Variants in SLC24A4 observed in about 807,000 individuals in gnomAD.
SLC24A4 encodes solute carrier family 24 member 4.
A neutral mutation model predicts 79.0 loss-of-function variants in SLC24A4; 53 were observed. That is an observed-to-expected ratio of 0.67 (90% CI 0.54 to 0.84). SLC24A4 has a LOEUF of 0.84. SLC24A4 is among the 40% of genes least tolerant of loss of function. The pLI, the probability that SLC24A4 is intolerant of heterozygous loss-of-function variation, is 0.00. For synonymous variants in SLC24A4, 323 were observed against 323.8 expected, an observed-to-expected ratio of 1.00 and a Z score of 0.03; for missense variants, 731 against 822.0, an observed-to-expected ratio of 0.89 and a Z score of 1.35.
chr14:92,413,213 T>C (rs2141798293), intron 2 of SLC24A4, among the ~76,000 whole-genome samples: 1 of 152,096 alleles, frequency 6.6e-6, no homozygotes, highest in East Asian at 1.9e-4. Flanking sequence ...ATAAGGAGAG[T>C]CCTTATCCTG....
intron 10 of SLC24A4, chr14:92,453,584 C>T (rs1333561914): frequency 7.8e-6 from 2 of 255,970 alleles, no homozygotes; most frequent in Non-Finnish European, 1.5e-5. Context: ...GCTTAGATAA[C>T]GAACTGAAAG....
intron 2 of SLC24A4, among the ~76,000 whole-genome samples, chr14:92,346,604 G>C (rs1886547099): frequency 1.3e-5 from 2 of 152,302 alleles, no homozygotes; most frequent in African/African-American, 4.8e-5. Context: ...TATTTATATT[G>C]CAGTAATAGC....
chr14:92,328,229 A>T (rs983774130), intron 2 of SLC24A4, among the ~76,000 whole-genome samples: 4 of 152,062 alleles, frequency 2.6e-5, no homozygotes, highest in African/African-American at 9.7e-5. Flanking sequence ...TTTTCATTTC[A>T]CAAGTCTGTG....
At chr14:92,359,492 G>A (rs1428530376) in intron 2 of SLC24A4, among the ~76,000 whole-genome samples, 8 of 152,174 alleles carry the variant, frequency 5.3e-5, no homozygotes, top group Non-Finnish European at 8.8e-5. Context: ...CCAGCTACTC[G>A]GGAGGCTGAG....
intron 12 of SLC24A4, among the ~76,000 whole-genome samples, chr14:92,457,965 C>G (rs528227325): frequency 5.9e-5 from 9 of 152,328 alleles, no homozygotes; most frequent in Admixed American, 5.9e-4. Context: ...GTGCCCTGCC[C>G]CCTGCTTTCA....
intron 2 of SLC24A4, among the ~76,000 whole-genome samples, chr14:92,344,090 A>C (rs1039697393): frequency 6.6e-6 from 1 of 152,218 alleles, no homozygotes; most frequent in Non-Finnish European, 1.5e-5. Flanking sequence ...TGTGACTTGC[A>C]TTATAGGATA....
At chr14:92,355,697 G>C (rs1887140609) in intron 2 of SLC24A4, among the ~76,000 whole-genome samples, 1 of 152,200 alleles carries the variant, frequency 6.6e-6, no homozygotes, top group Admixed American at 6.5e-5. Context: ...AGGAGAATCT[G>C]GCTGAGACCC....
intron 12 of SLC24A4, among the ~76,000 whole-genome samples, chr14:92,474,126 A>G (rs980096085): frequency 6.6e-6 from 1 of 152,220 alleles, no homozygotes; most frequent in African/African-American, 2.4e-5. Flanking sequence ...GCATAAGTTC[A>G]GGAAATATCT....
At chr14:92,480,988 T>C (rs1895037133) in intron 12 of SLC24A4, among the ~76,000 whole-genome samples, 1 of 152,226 alleles carries the variant, frequency 6.6e-6, no homozygotes, top group Non-Finnish European at 1.5e-5. Context: ...GGTCAGCTAA[T>C]GATTAGACAG....
chr14:92,393,568 C>A (rs1272941721), intron 2 of SLC24A4, among the ~76,000 whole-genome samples: 1 of 62,988 alleles, frequency 1.6e-5, no homozygotes, highest in Non-Finnish European at 3.1e-5. Context: ...TTTTTTTTTA[C>A]GGAGTCTCGC....
intron 2 of SLC24A4, among the ~76,000 whole-genome samples, chr14:92,414,235 G>A (rs185514629): frequency 6.6e-6 from 1 of 152,144 alleles, no homozygotes; most frequent in Admixed American, 6.5e-5. Context: ...TACATCTCTG[G>A]CTCTACCCAC....
At chr14:92,339,986 G>A (rs995239977) in intron 2 of SLC24A4, among the ~76,000 whole-genome samples, 15 of 152,338 alleles carry the variant, frequency 9.8e-5, no homozygotes, top group African/African-American at 3.6e-4. Flanking sequence ...CTTAGCAGAT[G>A]CTAGAGGTGC....
chr14:92,442,751 A>G lies in SLC24A4; in HGVS notation c.517A>G (p.Ile173Val). Residue 173 changes from isoleucine (I) to valine (V), a missense_variant, in exon 6 of 17, where the codon ATC becomes GTC. Coordinates refer to ENST00000532405, the MANE Select transcript of SLC24A4 (RefSeq NM_153646.4). ...CCATGGGGACGTCGGGGTGGGCACC[A>G]TCGTGGGCTCTGCTGTGTTCAACAT... Reference protein sequence around the residue: ...ITHGDVGVGTIVGSAVFNILC... With the variant: ...ITHGDVGVGTVVGSAVFNILC... 6.2e-7 allele frequency: 1 copy of G among 1,614,148 alleles called. No individual in the cohort carries two copies. Among genetic ancestry groups the G allele is most frequent in the East Asian group, 2.2e-5 (1 of 44,878 alleles).
intron 2 of SLC24A4, among the ~76,000 whole-genome samples, chr14:92,396,470 A>T (rs960125346): frequency 2.6e-5 from 4 of 152,222 alleles, no homozygotes; most frequent in African/African-American, 7.2e-5. Context: ...CAGTGTAAAA[A>T]GATAAATTTT....
At chr14:92,470,784 A>G (rs1894400844) in intron 12 of SLC24A4, among the ~76,000 whole-genome samples, 2 of 152,146 alleles carry the variant, frequency 1.3e-5, no homozygotes, top group South Asian at 2.1e-4. Context: ...CCAAAACTCT[A>G]TTATTTCACA....
chr14:92,407,847 C>T (rs926262615), intron 2 of SLC24A4, among the ~76,000 whole-genome samples: 15 of 147,308 alleles, frequency 1.0e-4, no homozygotes, highest in Non-Finnish European at 2.2e-4. Flanking sequence ...ACACTGCCTA[C>T]AGAGTGATAT....
intron 2 of SLC24A4, among the ~76,000 whole-genome samples, chr14:92,357,521 A>G (rs913703129): frequency 1.3e-5 from 2 of 152,240 alleles, no homozygotes; most frequent in Non-Finnish European, 2.9e-5. Flanking sequence ...TGAAAAAGGA[A>G]GGAAATTCTG....
At chr14:92,351,236 G>GCACGCGCGCGCACACACACA (rs1555360941) in intron 2 of SLC24A4, among the ~76,000 whole-genome samples, 72 of 147,070 alleles carry the variant, frequency 4.9e-4, no homozygotes, top group Admixed American at 3.2e-3. Context: ...ACACATACAC[G>GCACGCGCGCGCACACACACA]CACACACACA....
intron 2 of SLC24A4, among the ~76,000 whole-genome samples, chr14:92,354,907 C>G (rs1325436229): frequency 6.6e-6 from 1 of 152,154 alleles, no homozygotes. Flanking sequence ...AACCCCATCT[C>G]TACTAAAAAT....
Sources: gnomAD v4.1 joint callset for allele counts (sites outside exome capture counted in the v4.1 genomes callset) on GRCh38, gnomAD v4.1.1 for gene constraint, MANE v1.5 for transcripts, NCBI Gene and HGNC (gene_info 2026-07-23, HGNC 2026-07-21) for gene names.